HDAC9: variants seen among roughly 807,000 people sequenced by gnomAD.
The protein encoded by HDAC9 is MEF-2 interacting transcription repressor (MITR) protein.
In HDAC9, 41 loss-of-function variants were observed where a neutral mutation model predicts 139.4. That is an observed-to-expected ratio of 0.29 (90% CI 0.23 to 0.38). HDAC9 has a LOEUF of 0.38. Among genes scored for constraint, HDAC9 ranks in the 10% least tolerant of loss-of-function variants. The probability of loss-of-function intolerance (pLI) is 1.00; values close to 1 mark genes in which losing one functional copy is unlikely to be tolerated. For missense variants in HDAC9, 1,147 were observed against 1,297.0 expected, an observed-to-expected ratio of 0.88 and a Z score of 1.78; for synonymous variants, 517 against 476.2, an observed-to-expected ratio of 1.09 and a Z score of -1.12.
chr7:18,567,259 G>A (rs1175435450), intron 2 of HDAC9, among the ~76,000 whole-genome samples: 2 of 152,078 alleles, frequency 1.3e-5, no homozygotes, highest in Non-Finnish European at 2.9e-5. Flanking sequence ...GAATCGCATG[G>A]GGTTCTATGG....
intron 1 of HDAC9, among the ~76,000 whole-genome samples, chr7:18,317,458 T>G (rs144288024): frequency 6.6e-6 from 1 of 152,330 alleles, no homozygotes; most frequent in African/African-American, 2.4e-5. Flanking sequence ...GACTTGTGTC[T>G]GATAAATTTG....
intron 1 of HDAC9, among the ~76,000 whole-genome samples, chr7:18,466,142 A>G (rs1794257315): frequency 6.6e-6 from 1 of 151,956 alleles, no homozygotes; most frequent in African/African-American, 2.4e-5. Flanking sequence ...AACGATGACC[A>G]CTCGCAGCTT....
intron 1 of HDAC9, among the ~76,000 whole-genome samples, chr7:18,436,654 T>C (rs1013002313): frequency 6.6e-6 from 1 of 152,208 alleles, no homozygotes; most frequent in Non-Finnish European, 1.5e-5. Context: ...ACCTTGTAAA[T>C]TGTAAATTCA....
chr7:18,786,730 C>T (rs1335199969), intron 16 of HDAC9, among the ~76,000 whole-genome samples: 1 of 132,396 alleles, frequency 7.6e-6, no homozygotes, highest in Non-Finnish European at 1.6e-5. Flanking sequence ...GCATGCGCCT[C>T]TTGAGTCTAG....
intron 17 of HDAC9, among the ~76,000 whole-genome samples, chr7:18,800,092 G>T (rs1343135983): frequency 6.6e-6 from 1 of 152,184 alleles, no homozygotes; most frequent in African/African-American, 2.4e-5. Flanking sequence ...ATGTAGGCCA[G>T]AAGGCAGTGG....
intron 1 of HDAC9, among the ~76,000 whole-genome samples, chr7:18,305,372 G>C (rs1798839640): frequency 6.6e-6 from 1 of 152,106 alleles, no homozygotes; most frequent in Admixed American, 6.5e-5. Flanking sequence ...ATAATATTAG[G>C]TTTGAGTAAA....
chr7:18,395,426 A>G (rs1029833495), intron 1 of HDAC9, among the ~76,000 whole-genome samples: 4 of 151,914 alleles, frequency 2.6e-5, no homozygotes, highest in Non-Finnish European at 5.9e-5. Context: ...GAATTAATGC[A>G]TGTATGGGAC....
rs578142482 is a variant in HDAC9 at position 18,825,015 on chromosome 7, C to T, written c.2323-4146C>T. Among the ~76,000 whole-genome samples the T allele has an allele frequency of 3.0e-4, 46 of 152,310 alleles. No individual in the cohort carries two copies. The South Asian group carries it at 7.5e-3, about 25-fold the overall frequency. ...AGAACTCATTGGTCTCTGACTTGAGCCACTGGATCAATCATGGTACCATTT... is the reference window on the plus strand; with the variant it reads ...AGAACTCATTGGTCTCTGACTTGAGTCACTGGATCAATCATGGTACCATTT... On this transcript the variant is annotated intron_variant, in intron 17 of 25. Coordinates refer to ENST00000686413, the MANE Select transcript of HDAC9 (RefSeq NM_178425.4).
intron 22 of HDAC9, among the ~76,000 whole-genome samples, chr7:18,876,282 C>G (rs936743021): frequency 1.1e-4 from 17 of 152,052 alleles, no homozygotes; most frequent in African/African-American, 3.6e-4. Context: ...TCATTGTGTT[C>G]CATCTCAGAA....
At chr7:18,578,006 C>T (rs112894611) in intron 2 of HDAC9, among the ~76,000 whole-genome samples, 7 of 152,296 alleles carry the variant, frequency 4.6e-5, no homozygotes, top group African/African-American at 1.7e-4. Context: ...CACGCCCCCA[C>T]TTCTGCCTCC....
chr7:18,359,333 G>A (rs1783587897), intron 1 of HDAC9, among the ~76,000 whole-genome samples: 2 of 152,178 alleles, frequency 1.3e-5, no homozygotes, highest in Non-Finnish European at 2.9e-5. Context: ...GGGCAACGGA[G>A]TGAGACTCTG....
chr7:18,215,957 C>G (rs546680646), intron 2 of HDAC9, among the ~76,000 whole-genome samples: 48 of 152,174 alleles, frequency 3.2e-4, no homozygotes, highest in Non-Finnish European at 5.3e-4. Context: ...TGATGGCTTT[C>G]TAGAGTTGTG....
intron 1 of HDAC9, among the ~76,000 whole-genome samples, chr7:18,125,788 G>C (rs1784628631): frequency 6.6e-6 from 1 of 151,922 alleles, no homozygotes; most frequent in African/African-American, 2.4e-5. Flanking sequence ...CTTTAGCTAT[G>C]GACAACTTCC....
intron 1 of HDAC9, among the ~76,000 whole-genome samples, chr7:18,356,368 T>TTTTTTG (rs1562911271): frequency 2.8e-5 from 4 of 142,428 alleles, no homozygotes; most frequent in East Asian, 2.1e-4. Flanking sequence ...GTTTTTTTTT[T>TTTTTTG]TTTTTTTTTT....
chr7:18,328,847 T>C, intron 1 of HDAC9, among the ~76,000 whole-genome samples: 1 of 151,962 alleles, frequency 6.6e-6, no homozygotes, highest in East Asian at 1.9e-4. Context: ...TATTTCCTCC[T>C]CTTCAATTTT....
chr7:18,742,848 T>A (rs1171182613), intron 13 of HDAC9, among the ~76,000 whole-genome samples: 1 of 152,208 alleles, frequency 6.6e-6, no homozygotes, highest in East Asian at 1.9e-4. Flanking sequence ...AATCCCTGTT[T>A]ATCATATCCA....
chr7:18,952,101 C>G (rs1782839712), intron 23 of HDAC9, among the ~76,000 whole-genome samples: 1 of 152,098 alleles, frequency 6.6e-6, no homozygotes, highest in African/African-American at 2.4e-5. Context: ...GTTAAATCCT[C>G]TAAATGACAT....
At chr7:18,924,363 T>A (rs1001579257) in intron 22 of HDAC9, among the ~76,000 whole-genome samples, 2 of 152,120 alleles carry the variant, frequency 1.3e-5, no homozygotes, top group Admixed American at 6.6e-5. Context: ...TAACATACAA[T>A]TGCTGTCTAA....
At chr7:18,825,789 CATACACATAT>C (rs1173031437) in intron 17 of HDAC9, among the ~76,000 whole-genome samples, 2 of 148,044 alleles carry the variant, frequency 1.4e-5, no homozygotes, top group Admixed American at 6.8e-5. Flanking sequence ...AAAACCTTCA[CATACACATAT>C]ATACACATAT....
Sources: gnomAD v4.1 joint callset for allele counts (sites outside exome capture counted in the v4.1 genomes callset) on GRCh38, gnomAD v4.1.1 for gene constraint, MANE v1.5 for transcripts, NCBI Gene and HGNC (gene_info 2026-07-23, HGNC 2026-07-21) for gene names.